The following GAP43 variants were observed in gnomAD, a reference collection of about 807,000 sequenced individuals.
The protein encoded by GAP43 is growth associated protein 43, also known as neuromodulin.
Under a neutral mutation model 18.6 loss-of-function variants are expected in GAP43, and 6 were observed. The ratio of observed to expected loss-of-function variants is 0.32; its 90% CI spans 0.18 to 0.64. GAP43 has a LOEUF of 0.64. Among genes scored for constraint, GAP43 ranks in the 30% least tolerant of loss-of-function variants. The pLI is 0.78. For synonymous variants in GAP43, 115 were observed against 111.4 expected (o/e 1.03, Z -0.20); for missense variants, 292 against 295.5 (o/e 0.99, Z 0.09).
intron 2 of GAP43, among the ~76,000 whole-genome samples, chr3:115,684,443 G>C (rs554336383): frequency 6.6e-6 from 1 of 152,230 alleles, no homozygotes; most frequent in East Asian, 1.9e-4. Context: ...TTTAAGCACT[G>C]TATCCATGCC....
intron 2 of GAP43, among the ~76,000 whole-genome samples, chr3:115,701,599 A>G (rs1709298088): frequency 6.6e-6 from 1 of 151,894 alleles, no homozygotes; most frequent in African/African-American, 2.4e-5. Context: ...GGAGATGGTA[A>G]TCTTGTTCTT....
chr3:115,681,999 A>G (rs960237192), intron 2 of GAP43, among the ~76,000 whole-genome samples: 2 of 152,210 alleles, frequency 1.3e-5, no homozygotes, highest in East Asian at 1.9e-4. Flanking sequence ...AAGGACCCCA[A>G]CAATGTGTTA....
At chr3:115,680,162 T>A (rs1708943334) in intron 2 of GAP43, among the ~76,000 whole-genome samples, 2 of 152,176 alleles carry the variant, frequency 1.3e-5, no homozygotes, top group South Asian at 4.1e-4. Context: ...CAAAGATGAA[T>A]AAGATATGAT....
intron 2 of GAP43, among the ~76,000 whole-genome samples, chr3:115,713,693 G>C (rs1709467904): frequency 6.6e-6 from 1 of 152,244 alleles, no homozygotes; most frequent in Non-Finnish European, 1.5e-5. Context: ...CAGAGAGCAA[G>C]TTTGGCATAC....
chr3:115,624,502 T>C lies in GAP43; in HGVS notation c.30+783T>C, dbSNP rs1277825715. Among the ~76,000 whole-genome samples, 3 of 152,212 alleles carry C rather than the reference T, an allele frequency of 2.0e-5. No individual in the cohort carries two copies. In the East Asian group the frequency reaches 5.8e-4, roughly 29 times the overall value. On this transcript the variant is annotated intron_variant, in intron 1 of 2. Transcript: ENST00000305124. ...CCTGTTGGAAACCAGGTCTTTTCTCTTATCCCCTTCCCTTGCTTCTTTCCT... is the reference window on the plus strand; with the variant it reads ...CCTGTTGGAAACCAGGTCTTTTCTCCTATCCCCTTCCCTTGCTTCTTTCCT...
At chr3:115,632,956 G>A (rs376499058) in intron 1 of GAP43, among the ~76,000 whole-genome samples, 19 of 151,590 alleles carry the variant, frequency 1.3e-4, no homozygotes, top group South Asian at 1.3e-3. Context: ...TTATATATGC[G>A]TTTTTTGATT....
At chr3:115,691,810 T>C (rs1006087115) in intron 2 of GAP43, among the ~76,000 whole-genome samples, 2 of 152,174 alleles carry the variant, frequency 1.3e-5, no homozygotes, top group African/African-American at 4.8e-5. Flanking sequence ...CAGGTAGTGA[T>C]GTTAGGGTTA....
chr3:115,661,629 C>T (rs1276696616), intron 1 of GAP43, among the ~76,000 whole-genome samples: 1 of 152,104 alleles, frequency 6.6e-6, no homozygotes, highest in Admixed American at 6.6e-5. Context: ...GCCGGGACTA[C>T]AGGCACCCGC....
chr3:115,628,016 C>T lies in GAP43; in HGVS notation c.30+4297C>T, dbSNP rs1252952519. On this transcript the variant is annotated intron_variant, in intron 1 of 2. Coordinates refer to ENST00000305124, the MANE Select transcript of GAP43 (RefSeq NM_002045.4). ...AAACCAGACACAAATGAACACTTTG[C>T]TTACCTTAAGGATTTTTGTAGGGCT... 2.0e-5 allele frequency among the ~76,000 whole-genome samples: 3 copies of T among 152,146 alleles called. No individual in the cohort carries two copies. The East Asian group carries it at 5.8e-4, about 29-fold the overall frequency.
At position 115,652,356 on chromosome 3, in the gene GAP43, C is replaced by CTTTTTTTTTT. The variant is rs71141831; in HGVS notation, c.31-23637_31-23628dup. Among the ~76,000 whole-genome samples the CTTTTTTTTTT allele has an allele frequency of 8.0e-3, 350 of 43,838 alleles. 78 individuals carry two copies. The highest frequency in any genetic ancestry group is 0.012 in the East Asian group (13 of 1,104). 28.8% of individuals were successfully genotyped at this position (43,838 alleles called of 152,430 possible). On this transcript the variant is annotated intron_variant, in intron 1 of 2. Coordinates refer to ENST00000305124, the MANE Select transcript of GAP43 (RefSeq NM_002045.4). ...TTCCTGATGATTCTTATCCAGCATT[C>CTTTTTTTTTT]TTTTTTTTTTTTTTTTTTTTTTTTT...
chr3:115,669,468 T>C (rs913099614), intron 1 of GAP43, among the ~76,000 whole-genome samples: 3 of 152,226 alleles, frequency 2.0e-5, no homozygotes, highest in African/African-American at 7.2e-5. Context: ...CCAGGCACCA[T>C]TCTAGAAACT....
intron 2 of GAP43, among the ~76,000 whole-genome samples, chr3:115,707,430 C>G (rs1170803958): frequency 1.3e-5 from 2 of 152,106 alleles, no homozygotes; most frequent in Non-Finnish European, 2.9e-5. Flanking sequence ...GCTGGGATGA[C>G]AGGTACATGC....
intron 1 of GAP43, among the ~76,000 whole-genome samples, chr3:115,637,139 G>A (rs1708339382): frequency 6.6e-6 from 1 of 151,946 alleles, no homozygotes; most frequent in Admixed American, 6.6e-5. Flanking sequence ...GACCTGTTTT[G>A]CCTCTTAGAT....
At chr3:115,703,824 C>T (rs908326315) in intron 2 of GAP43, among the ~76,000 whole-genome samples, 2 of 152,082 alleles carry the variant, frequency 1.3e-5, no homozygotes, top group African/African-American at 4.8e-5. Context: ...TGTTCTTTAA[C>T]TGTTTATTGT....
intron 1 of GAP43, among the ~76,000 whole-genome samples, chr3:115,646,083 C>T (rs534202801): frequency 6.6e-6 from 1 of 152,090 alleles, no homozygotes; most frequent in East Asian, 1.9e-4. Flanking sequence ...ATGCCTCTTG[C>T]CAAGATTATT....
At chr3:115,675,620 G>T (rs1325158176) in intron 1 of GAP43, among the ~76,000 whole-genome samples, 2 of 151,964 alleles carry the variant, frequency 1.3e-5, no homozygotes, top group Admixed American at 6.6e-5. Context: ...TTAGTCGAGT[G>T]TAGTGGCACA....
At chr3:115,681,171 CTAGAG>C (rs1269616671) in intron 2 of GAP43, among the ~76,000 whole-genome samples, 3 of 152,108 alleles carry the variant, frequency 2.0e-5, no homozygotes, top group Non-Finnish European at 2.9e-5. Flanking sequence ...TTTTATATTG[CTAGAG>C]TAATCATTTT....
chr3:115,665,993 TGTGTGTGTGTGTGTGTGTGTG>T (rs1708728373), intron 1 of GAP43, among the ~76,000 whole-genome samples: 1 of 139,362 alleles, frequency 7.2e-6, no homozygotes, highest in African/African-American at 2.6e-5. Context: ...TAAATGAGTG[TGTGTGTGTGTGTGTGTGTGTG>T]TGTGTGTGTG....
At chr3:115,656,740 A>C (rs1052128781) in intron 1 of GAP43, among the ~76,000 whole-genome samples, 1 of 152,252 alleles carries the variant, frequency 6.6e-6, no homozygotes, top group African/African-American at 2.4e-5. Context: ...GTATTTCAAA[A>C]AGAAATTGTT....
Sources: allele counts gnomAD v4.1 joint callset (sites outside exome capture counted in the v4.1 genomes callset), GRCh38; gene constraint gnomAD v4.1.1; transcripts MANE v1.5; gene names NCBI Gene and HGNC (gene_info 2026-07-23, HGNC 2026-07-21).